The following PRKG2 variants were observed in gnomAD, a reference collection of about 807,000 sequenced individuals.
PRKG2 encodes protein kinase cGMP-dependent 2, also known as cGMP-dependent protein kinase 2.
In PRKG2, 33 loss-of-function variants were observed where a neutral mutation model predicts 97.2. That is an observed-to-expected ratio of 0.34 (90% CI 0.26 to 0.45). The LOEUF is 0.45. Among genes scored for constraint, PRKG2 ranks in the 20% least tolerant of loss-of-function variants. The probability of loss-of-function intolerance (pLI) is 1.00; values close to 1 mark genes in which losing one functional copy is unlikely to be tolerated. For missense variants in PRKG2, 638 were observed against 900.0 expected (o/e 0.71, Z 3.73); for synonymous variants, 330 against 321.8 (o/e 1.03, Z -0.27).
At chr4:81,190,749 AT>A (rs1462565770) in intron 2 of PRKG2, among the ~76,000 whole-genome samples, 2 of 152,258 alleles carry the variant, frequency 1.3e-5, no homozygotes, top group Admixed American at 6.5e-5. Flanking sequence ...GAGAAAAAAA[AT>A]AACTCCATCA....
At chr4:81,214,448 C>T (rs1325521361) in intron 1 of PRKG2, among the ~76,000 whole-genome samples, 1 of 151,580 alleles carries the variant, frequency 6.6e-6, no homozygotes, top group Non-Finnish European at 1.5e-5. Flanking sequence ...TATGAAAGCG[C>T]CTCACGGTGC....
intron 2 of PRKG2, among the ~76,000 whole-genome samples, chr4:81,192,671 A>C (rs1405360258): frequency 6.6e-6 from 1 of 152,204 alleles, no homozygotes; most frequent in African/African-American, 2.4e-5. Flanking sequence ...CCAGTAACTT[A>C]ATAAATGGTA....
chr4:81,143,234 T>C (rs1049031550), intron 10 of PRKG2, among the ~76,000 whole-genome samples: 1 of 152,200 alleles, frequency 6.6e-6, no homozygotes, highest in Non-Finnish European at 1.5e-5. Context: ...ACTTAAAATG[T>C]ACCTCTTAGG....
chr4:81,196,585 G>T (rs538870240), intron 2 of PRKG2, among the ~76,000 whole-genome samples: 8 of 152,030 alleles, frequency 5.3e-5, no homozygotes, highest in Non-Finnish European at 1.0e-4. Context: ...TAATCTGTAA[G>T]CCCCAAAAAG....
intron 12 of PRKG2, among the ~76,000 whole-genome samples, chr4:81,139,692 G>A (rs969207726): frequency 2.0e-5 from 3 of 150,216 alleles, no homozygotes; most frequent in Non-Finnish European, 3.0e-5. Context: ...GGAGAATGGC[G>A]TGAACCCCAG....
At chr4:81,111,758 T>C (rs1043084691) in intron 14 of PRKG2, among the ~76,000 whole-genome samples, 2 of 152,188 alleles carry the variant, frequency 1.3e-5, no homozygotes, top group African/African-American at 4.8e-5. Flanking sequence ...CGAAGCAGTG[T>C]ATATGATCAA....
chr4:81,207,143 A>G (rs908526131), intron 1 of PRKG2, among the ~76,000 whole-genome samples: 10 of 152,210 alleles, frequency 6.6e-5, no homozygotes, highest in African/African-American at 2.4e-4. Context: ...AGCAATTCAG[A>G]ATATGTTATA....
intron 2 of PRKG2, among the ~76,000 whole-genome samples, chr4:81,176,273 T>A (rs1349110389): frequency 1.3e-5 from 2 of 152,162 alleles, no homozygotes; most frequent in Non-Finnish European, 2.9e-5. Context: ...TTTTCAAGGA[T>A]GGCACCACAG....
intron 10 of PRKG2, among the ~76,000 whole-genome samples, chr4:81,143,969 G>C (rs1158417655): frequency 6.6e-6 from 1 of 152,060 alleles, no homozygotes; most frequent in Non-Finnish European, 1.5e-5. Flanking sequence ...TATCCCTTTT[G>C]TAAGGCCCTG....
chr4:81,130,636 T>C (rs1746081425), intron 14 of PRKG2, among the ~76,000 whole-genome samples: 1 of 152,132 alleles, frequency 6.6e-6, no homozygotes, highest in Non-Finnish European at 1.5e-5. Flanking sequence ...AGAGTAGTTT[T>C]ATCTATGAGC....
chr4:81,163,047 G>A (rs1468526800), intron 6 of PRKG2, among the ~76,000 whole-genome samples: 2 of 152,270 alleles, frequency 1.3e-5, no homozygotes, highest in East Asian at 3.9e-4. Context: ...GGATACTGAG[G>A]AAGACCTTTG....
chr4:81,149,077 C>T, intron 8 of PRKG2, 125 bp from the exon 9 acceptor site: 1 of 839,554 alleles, frequency 1.2e-6, no homozygotes. Context: ...AAAACTGCTG[C>T]TTTTAAACAT....
chr4:81,105,759 A>G (rs1040922756), intron 16 of PRKG2, 54 bp downstream of exon 16: 1 of 1,585,690 alleles, frequency 6.3e-7, no homozygotes, highest in Non-Finnish European at 8.6e-7. Context: ...AGAAACAGAA[A>G]CCGAAGCCTT....
intron 17 of PRKG2, among the ~76,000 whole-genome samples, chr4:81,102,575 A>T (rs1211949032): frequency 2.0e-5 from 3 of 152,230 alleles, no homozygotes; most frequent in Admixed American, 2.0e-4. Flanking sequence ...TCCAAAGGAT[A>T]GCACAGAACA....
In PRKG2 at chr4:81,153,734, G is replaced by C; in HGVS notation, c.913-13C>G. 1 of 1,582,034 alleles carries C rather than the reference G, an allele frequency of 6.3e-7. No homozygotes were observed. The highest frequency in any genetic ancestry group is 8.7e-7 in the Non-Finnish European group (1 of 1,151,388). ...TGTCATAGTATTCCTGTTGGGATGA[G>C]AGAGAAAGAAAATGTAAGAGCGGGT... On this transcript the variant is annotated splice_polypyrimidine_tract_variant and intron_variant, in intron 6 of 18. Transcript: ENST00000264399.
intron 2 of PRKG2, among the ~76,000 whole-genome samples, chr4:81,197,775 A>T (rs1753051312): frequency 6.6e-6 from 1 of 152,208 alleles, no homozygotes; most frequent in Admixed American, 6.5e-5. Flanking sequence ...TTAAAGAATT[A>T]GTGAAAAAAA....
At chr4:81,217,731 AT>A (rs1392132493), upstream of PRKG2, among the ~76,000 whole-genome samples, 4 of 152,244 alleles carry the variant, frequency 2.6e-5, no homozygotes, top group African/African-American at 9.6e-5. Context: ...AGAGAAAAAA[AT>A]ATGGGGTTAT....
intron 2 of PRKG2, among the ~76,000 whole-genome samples, chr4:81,191,425 G>T (rs1051172328): frequency 2.0e-5 from 3 of 151,904 alleles, no homozygotes; most frequent in African/African-American, 7.2e-5. Context: ...ATACACTGGG[G>T]CCTGTCAGGG....
intron 17 of PRKG2, among the ~76,000 whole-genome samples, chr4:81,098,589 G>A (rs1742367265): frequency 2.0e-5 from 3 of 152,058 alleles, no homozygotes; most frequent in South Asian, 4.1e-4. Context: ...AATACTTAGA[G>A]GCCATTGTAG....
Sources: allele counts gnomAD v4.1 joint callset (sites outside exome capture counted in the v4.1 genomes callset), GRCh38; gene constraint gnomAD v4.1.1; transcripts MANE v1.5; gene names NCBI Gene and HGNC (gene_info 2026-07-23, HGNC 2026-07-21).